The following NKAIN2 variants were observed in gnomAD, a reference collection of about 807,000 sequenced individuals.
NKAIN2 encodes sodium/potassium transporting ATPase interacting 2, also known as sodium/potassium-transporting ATPase subunit beta-1-interacting protein 2.
NKAIN2 carries 14 observed loss-of-function variants against 32.6 expected under a neutral mutation model. The ratio of observed to expected loss-of-function variants is 0.43; its 90% CI spans 0.28 to 0.67. The LOEUF is 0.67. Among genes scored for constraint, NKAIN2 ranks in the 30% least tolerant of loss-of-function variants. The pLI, the probability that NKAIN2 is intolerant of heterozygous loss-of-function variation, is 0.17. For synonymous variants in NKAIN2, 80 were observed against 87.2 expected (o/e 0.92, Z 0.46); for missense variants, 198 against 258.3 (o/e 0.77, Z 1.60).
At chr6:124,167,201 T>A (rs1378718235) in intron 1 of NKAIN2, among the ~76,000 whole-genome samples, 1 of 150,274 alleles carries the variant, frequency 6.7e-6, no homozygotes, top group Non-Finnish European at 1.5e-5. Flanking sequence ...CCTTGAGCAG[T>A]GGTTTGTAGT....
At chr6:124,129,549 TA>T (rs1238249178) in intron 1 of NKAIN2, among the ~76,000 whole-genome samples, 1 of 152,230 alleles carries the variant, frequency 6.6e-6, no homozygotes, top group Non-Finnish European at 1.5e-5. Context: ...TAGAGTTTGC[TA>T]CTCCAGAATT....
chr6:124,353,733 C>T (rs113575423), intron 2 of NKAIN2, among the ~76,000 whole-genome samples: 1,663 of 148,330 alleles, frequency 0.011, 10 homozygotes, highest in Non-Finnish European at 0.017. Flanking sequence ...CCAGCCTGGG[C>T]GACAGAGCGA....
intron 1 of NKAIN2, among the ~76,000 whole-genome samples, chr6:124,281,184 A>G (rs1795275468): frequency 6.6e-6 from 1 of 152,148 alleles, no homozygotes; most frequent in African/African-American, 2.4e-5. Context: ...CTCCAAATTT[A>G]TAGAGTTTAG....
intron 3 of NKAIN2, among the ~76,000 whole-genome samples, chr6:124,432,922 A>C (rs137941425): frequency 6.6e-6 from 1 of 152,136 alleles, no homozygotes; most frequent in African/African-American, 2.4e-5. Context: ...TTCCTTGTGA[A>C]CTGGCCTGCT....
chr6:124,443,413 A>G (rs9372777), intron 3 of NKAIN2, among the ~76,000 whole-genome samples: 36,486 of 152,134 alleles, frequency 0.24, 4,827 homozygotes, highest in Middle Eastern at 0.33. Context: ...ATAAATATTT[A>G]CTGTTTCTGA....
intron 1 of NKAIN2, among the ~76,000 whole-genome samples, chr6:123,981,343 A>C (rs1778889305): frequency 6.6e-6 from 1 of 152,210 alleles, no homozygotes; most frequent in Admixed American, 6.5e-5. Flanking sequence ...TGCTGGAAAA[A>C]AAAAGCATCA....
intron 1 of NKAIN2, among the ~76,000 whole-genome samples, chr6:123,883,219 A>C (rs1325844571): frequency 3.3e-5 from 5 of 152,016 alleles, no homozygotes; most frequent in African/African-American, 9.7e-5. Context: ...AACTCGGCTC[A>C]CTGCAAGCTC....
intron 1 of NKAIN2, among the ~76,000 whole-genome samples, chr6:124,256,072 G>C (rs902687002): frequency 7.9e-5 from 12 of 152,234 alleles, no homozygotes; most frequent in African/African-American, 1.4e-4. Context: ...AAATTACTCC[G>C]TGGAGTGTTA....
Position 124,824,668 on chromosome 6 carries a change from A to G in NKAIN2, c.*1439A>G, listed in dbSNP as rs1285291707. On this transcript the variant is annotated 3_prime_UTR_variant, in exon 7 of 7. Transcript: ENST00000368417. ...AGATGAGTCATATTTTTTCTTGGATACACCTGAGACATTAAACTCAATTTT... is the reference window on the plus strand; with the variant it reads ...AGATGAGTCATATTTTTTCTTGGATGCACCTGAGACATTAAACTCAATTTT... 6.6e-6 allele frequency: 1 copy of G among 152,218 alleles called. No individual in the cohort carries two copies. The highest frequency in any genetic ancestry group is 1.5e-5 in the Non-Finnish European group (1 of 68,034). The allele number at this position is 152,218 out of a possible 1,614,324, so 9.4% of individuals were successfully genotyped here. A position where few individuals can be genotyped will look rare whatever the true frequency, so the allele number is the denominator to read the frequency against.
chr6:124,365,033 G>T (rs1799464032), intron 3 of NKAIN2, among the ~76,000 whole-genome samples: 1 of 151,722 alleles, frequency 6.6e-6, no homozygotes, highest in South Asian at 2.1e-4. Flanking sequence ...ACTACTAAAA[G>T]ATGGCATAAC....
chr6:124,425,805 C>A (rs893456234), intron 3 of NKAIN2, among the ~76,000 whole-genome samples: 1 of 152,000 alleles, frequency 6.6e-6, no homozygotes, highest in Non-Finnish European at 1.5e-5. Context: ...GAAAAAATAA[C>A]AAGTGTTGGA....
intron 4 of NKAIN2, among the ~76,000 whole-genome samples, chr6:124,666,092 A>G (rs57295900): frequency 0.018 from 2,717 of 152,284 alleles, 71 homozygotes; most frequent in African/African-American, 0.063. Flanking sequence ...ACATGGCTTC[A>G]GTTATGCCTA....
intron 3 of NKAIN2, among the ~76,000 whole-genome samples, chr6:124,526,826 G>C (rs1779334081): frequency 6.6e-6 from 1 of 152,164 alleles, no homozygotes; most frequent in Non-Finnish European, 1.5e-5. Context: ...AGGGCAGTGG[G>C]AGTAGTGGGG....
intron 1 of NKAIN2, among the ~76,000 whole-genome samples, chr6:123,991,138 A>C (rs745600366): frequency 5.0e-4 from 76 of 152,208 alleles, no homozygotes; most frequent in Non-Finnish European, 9.7e-4. Flanking sequence ...TTTTCTTCTT[A>C]AGGAAATAAA....
intron 4 of NKAIN2, among the ~76,000 whole-genome samples, chr6:124,687,570 TAA>T (rs1301310474): frequency 0.28 from 545 of 1,934 alleles, 14 homozygotes; most frequent in Non-Finnish European, 0.37. Flanking sequence ...ATGGTATATA[TAA>T]TATATATTTA....
At chr6:124,556,113 C>T (rs1181027293) in intron 3 of NKAIN2, among the ~76,000 whole-genome samples, 1 of 149,200 alleles carries the variant, frequency 6.7e-6, no homozygotes, top group Non-Finnish European at 1.5e-5. Context: ...AATGAAGAAT[C>T]TGATAGTAGG....
intron 5 of NKAIN2, among the ~76,000 whole-genome samples, chr6:124,813,019 A>G (rs920116897): frequency 1.4e-4 from 14 of 103,532 alleles, no homozygotes; most frequent in Admixed American, 2.6e-4. Flanking sequence ...AACATCTCTC[A>G]TAACTTTAAA....
intron 3 of NKAIN2, among the ~76,000 whole-genome samples, chr6:124,602,136 T>A (rs1232269891): frequency 1.3e-5 from 2 of 151,992 alleles, no homozygotes; most frequent in Non-Finnish European, 2.9e-5. Context: ...GTATGTTGGA[T>A]GGATTAATGA....
At chr6:123,978,454 AT>A (rs1344614907) in intron 1 of NKAIN2, among the ~76,000 whole-genome samples, 5 of 152,206 alleles carry the variant, frequency 3.3e-5, no homozygotes, top group African/African-American at 9.6e-5. Context: ...CCTGTTAACA[AT>A]TATTAATATA....
Sources: allele counts gnomAD v4.1 joint callset (sites outside exome capture counted in the v4.1 genomes callset), GRCh38; gene constraint gnomAD v4.1.1; transcripts MANE v1.5; gene names NCBI Gene and HGNC (gene_info 2026-07-23, HGNC 2026-07-21).